The following PINX1 variants were observed in gnomAD, a reference collection of about 807,000 sequenced individuals.
PINX1 encodes the protein PIN2 (TERF1) interacting telomerase inhibitor 1.
A neutral mutation model predicts 25.4 loss-of-function variants in PINX1; 34 were observed. The ratio of observed to expected loss-of-function variants is 1.34; its 90% CI spans 1.02 to 1.78. PINX1 has a LOEUF of 1.78. Ranked by LOEUF, PINX1 falls within the 40% of genes most tolerant of loss-of-function variation. The pLI is 0.00. For missense variants in PINX1, 592 were observed against 404.9 expected, an observed-to-expected ratio of 1.46 and a Z score of -3.97; for synonymous variants, 197 against 147.7, an observed-to-expected ratio of 1.33 and a Z score of -2.42.
At chr8:10,774,321 G>C (rs968216954) in intron 6 of PINX1, among the ~76,000 whole-genome samples, 8 of 146,034 alleles carry the variant, frequency 5.5e-5, no homozygotes, top group Non-Finnish European at 1.2e-4. Flanking sequence ...CACTCTTGTT[G>C]CCCAGGCTGG....
intron 6 of PINX1, among the ~76,000 whole-genome samples, chr8:10,807,313 A>AC (rs1275932900): frequency 1.5e-3 from 111 of 75,542 alleles, no homozygotes; most frequent in Middle Eastern, 5.6e-3. Flanking sequence ...AAAAATCAAG[A>AC]AAATCCCCCC....
intron 6 of PINX1, among the ~76,000 whole-genome samples, chr8:10,815,547 C>T (rs1049212710): frequency 2.0e-5 from 3 of 152,104 alleles, no homozygotes; most frequent in Non-Finnish European, 2.9e-5. Context: ...TTTAAAGCTT[C>T]TTTTTGGACC....
At chr8:10,790,481 G>T (rs1411318548) in intron 6 of PINX1, among the ~76,000 whole-genome samples, 2 of 152,138 alleles carry the variant, frequency 1.3e-5, no homozygotes, top group Non-Finnish European at 2.9e-5. Flanking sequence ...GCTCCCATCT[G>T]CACGTCTGCC....
chr8:10,834,586 G>C (rs1476945466), intron 2 of PINX1, 80 bp downstream of exon 2: 1 of 1,510,936 alleles, frequency 6.6e-7, no homozygotes, highest in Non-Finnish European at 8.8e-7. Flanking sequence ...GTTTCTTCCA[G>C]TCTCCTAAGA....
At chr8:10,781,149 T>C (rs1052851008) in intron 6 of PINX1, among the ~76,000 whole-genome samples, 2 of 152,118 alleles carry the variant, frequency 1.3e-5, no homozygotes, top group East Asian at 1.9e-4. Flanking sequence ...GGGTTTCTCA[T>C]GTAAAAAAAT....
intron 6 of PINX1, among the ~76,000 whole-genome samples, chr8:10,790,082 G>T (rs1274561766): frequency 6.6e-6 from 1 of 152,060 alleles, no homozygotes; most frequent in Non-Finnish European, 1.5e-5. Flanking sequence ...ACAGGTGGAG[G>T]CGCCGTCTGC....
intron 6 of PINX1, among the ~76,000 whole-genome samples, chr8:10,807,181 G>A (rs1004233266): frequency 6.6e-6 from 1 of 152,106 alleles, no homozygotes; most frequent in African/African-American, 2.4e-5. Context: ...GGAACATACG[G>A]TTGTATCCGT....
rs550632327 is a variant in PINX1, at chr8:10,791,713, C to G, written c.472-25797G>C. On this transcript the variant is annotated intron_variant, in intron 6 of 6. Transcript: ENST00000314787. ...CTGATGTGCTTGGGCGATCTGCTGG[C>G]CCCCTGGCTTTCTAGAGAGAGTCTG... 3.1e-3 allele frequency among the ~76,000 whole-genome samples: 466 copies of G among 152,312 alleles called. 2 individuals carry two copies. The highest frequency in any genetic ancestry group is 0.01 in the African/African-American group (433 of 41,568).
chr8:10,838,883 G>A (rs1263131256), intron 1 of PINX1, among the ~76,000 whole-genome samples: 1 of 152,178 alleles, frequency 6.6e-6, no homozygotes, highest in African/African-American at 2.4e-5. Context: ...GACCCATTTC[G>A]TTTTGTGCTC....
At chr8:10,802,524 T>C (rs982391932) in intron 6 of PINX1, among the ~76,000 whole-genome samples, 4 of 152,280 alleles carry the variant, frequency 2.6e-5, no homozygotes, top group African/African-American at 9.6e-5. Flanking sequence ...ATTCTGAAAC[T>C]CCTATCTCTT....
intron 6 of PINX1, among the ~76,000 whole-genome samples, chr8:10,810,318 C>A (rs538359424): frequency 6.6e-6 from 1 of 152,300 alleles, no homozygotes; most frequent in Non-Finnish European, 1.5e-5. Flanking sequence ...ATTCCTGGAC[C>A]CCACTGGCAT....
At chr8:10,766,054 T>G in intron 6 of PINX1, 138 bp from the exon 7 acceptor site, 2 of 781,794 alleles carry the variant, frequency 2.6e-6, no homozygotes, top group South Asian at 3.4e-5. Context: ...ACCCGGCACT[T>G]AGGAGACAAG....
At chr8:10,794,426 C>T (rs533824906) in intron 6 of PINX1, among the ~76,000 whole-genome samples, 217 of 152,052 alleles carry the variant, frequency 1.4e-3, no homozygotes, top group African/African-American at 5.1e-3. Context: ...GCAAACCCTT[C>T]GCCTGTTGCT....
intron 4 of PINX1, among the ~76,000 whole-genome samples, chr8:10,828,540 C>T (rs547363991): frequency 4.7e-4 from 72 of 152,282 alleles, no homozygotes; most frequent in African/African-American, 1.7e-3. Context: ...ACGCAGAGGC[C>T]ACATCCTGAA....
chr8:10,807,557 A>G (rs1802493230), intron 6 of PINX1, among the ~76,000 whole-genome samples: 4 of 152,066 alleles, frequency 2.6e-5, no homozygotes, highest in Non-Finnish European at 4.4e-5. Context: ...ACTCATTCCC[A>G]TAGGGTTTTA....
At chr8:10,825,839 T>C (rs1798021506) in intron 5 of PINX1, among the ~76,000 whole-genome samples, 1 of 152,252 alleles carries the variant, frequency 6.6e-6, no homozygotes, top group Non-Finnish European at 1.5e-5. Context: ...ATTAAAATTA[T>C]TTTCTGACCT....
chr8:10,785,396 C>A (rs960988601), intron 6 of PINX1, among the ~76,000 whole-genome samples: 2 of 152,212 alleles, frequency 1.3e-5, no homozygotes, highest in African/African-American at 4.8e-5. Flanking sequence ...TCCATCCAAT[C>A]ATGCTTCGGT....
chr8:10,781,637 T>C (rs796247265), intron 6 of PINX1, among the ~76,000 whole-genome samples: 3 of 152,116 alleles, frequency 2.0e-5, no homozygotes, highest in South Asian at 2.1e-4. Context: ...CATCATGAGA[T>C]ATCATCCCAC....
At chr8:10,783,492 T>C (rs1488026430) in intron 6 of PINX1, among the ~76,000 whole-genome samples, 2 of 152,208 alleles carry the variant, frequency 1.3e-5, no homozygotes, top group African/African-American at 4.8e-5. Context: ...AACCTGCCAG[T>C]TGCTGCTCCT....
Sources: allele counts gnomAD v4.1 joint callset (sites outside exome capture counted in the v4.1 genomes callset), GRCh38; gene constraint gnomAD v4.1.1; transcripts MANE v1.5; gene names NCBI Gene and HGNC (gene_info 2026-07-23, HGNC 2026-07-21).